OSBPL10: variants seen among roughly 807,000 people sequenced by gnomAD.
OSBPL10 encodes oxysterol binding protein like 10, also known as oxysterol-binding protein-related protein 10.
Under a neutral mutation model 81.7 loss-of-function variants are expected in OSBPL10, and 49 were observed. That is an observed-to-expected ratio of 0.60 (90% CI 0.48 to 0.76). The LOEUF (loss-of-function observed/expected upper bound fraction) is 0.76. Among genes scored for constraint, OSBPL10 ranks in the 30% least tolerant of loss-of-function variants. OSBPL10 has a pLI of 0.00. For synonymous variants in OSBPL10, 419 were observed against 383.6 expected (o/e 1.09, Z -1.08); for missense variants, 923 against 987.8 (o/e 0.93, Z 0.88).
chr3:31,831,157 A>G lies in OSBPL10; in HGVS notation c.538-926T>C, dbSNP rs377524999. On this transcript the variant is annotated intron_variant, in intron 3 of 11. Transcript: ENST00000396556. ...TGCGGTGGCTCACACCTGTAATCCCAGCACTTTGGGAGGCCAAGGCGGGCA... is the reference window on the plus strand; with the variant it reads ...TGCGGTGGCTCACACCTGTAATCCCGGCACTTTGGGAGGCCAAGGCGGGCA... Among the ~76,000 whole-genome samples, 103 of 152,338 alleles carry G rather than the reference A, an allele frequency of 6.8e-4. No homozygotes were observed. In the East Asian group the frequency reaches 0.011, roughly 17 times the overall value.
chr3:31,787,853 C>T (rs139271600), intron 4 of OSBPL10, among the ~76,000 whole-genome samples: 4 of 151,972 alleles, frequency 2.6e-5, no homozygotes, highest in African/African-American at 7.2e-5. Context: ...CATAAATACC[C>T]GACAACAGAA....
chr3:31,788,713 G>C (rs1477473122), intron 4 of OSBPL10, among the ~76,000 whole-genome samples: 1 of 152,010 alleles, frequency 6.6e-6, no homozygotes, highest in Non-Finnish European at 1.5e-5. Flanking sequence ...AGGAGTTCAA[G>C]GTTGCATTGA....
rs958688114 is a variant in OSBPL10, at chr3:31,766,244, C to T, written c.730-18124G>A. 2.2e-4 allele frequency among the ~76,000 whole-genome samples: 33 copies of T among 152,004 alleles called. 1 individual carries two copies. The highest frequency in any genetic ancestry group is 8.0e-4 in the African/African-American group (33 of 41,390). On this transcript the variant is annotated intron_variant, in intron 4 of 11. Transcript: ENST00000396556. ...TGGAAAACAGTGGCCATGTGACACA[C>T]CATGTGGACACAGATCCCCCACTTC... is the stretch of plus-strand genomic sequence containing the variant.
In OSBPL10 at chr3:31,736,498, G is replaced by A. The variant is rs1441418547; in HGVS notation, c.941-3087C>T. ...AACCAGCCCAGGATTCAAGACACTA[G>A]AATCTGCCATAAGAGAGGTGGACAG... On this transcript the variant is annotated intron_variant, in intron 5 of 11. Transcript: ENST00000396556. Among the ~76,000 whole-genome samples the A allele has an allele frequency of 2.6e-5, 4 of 152,162 alleles. 1 individual carries two copies. The highest frequency in any genetic ancestry group is 9.7e-5 in the African/African-American group (4 of 41,442).
chr3:31,831,606 AAG>A (rs1234052719), intron 3 of OSBPL10, among the ~76,000 whole-genome samples: 1 of 152,234 alleles, frequency 6.6e-6, no homozygotes, highest in Non-Finnish European at 1.5e-5. Context: ...CTTACAAAAA[AAG>A]AAATATAAAT....
chr3:31,719,810 G>A (rs1403140481), intron 6 of OSBPL10, among the ~76,000 whole-genome samples: 1 of 151,874 alleles, frequency 6.6e-6, no homozygotes, highest in Non-Finnish European at 1.5e-5. Context: ...CAACCTAAAT[G>A]CCACTCCTAG....
Position 31,930,003 on chromosome 3 carries a change from C to CAAACAA in OSBPL10, c.282-50174_282-50173insTTGTTT, listed in dbSNP as rs1306473764. ...GATCAAGTGAGACCCTGTCACCAAC[C>CAAACAA]AAAAAAAAAAAAAAAAAAAAAAACA... On this transcript the variant is annotated intron_variant, in intron 1 of 11. Transcript: ENST00000396556. Among the ~76,000 whole-genome samples, 553 of 72,538 alleles carry CAAACAA rather than the reference C, an allele frequency of 7.6e-3. 8 individuals carry two copies. Among genetic ancestry groups the CAAACAA allele is most frequent in the Non-Finnish European group, 0.011 (429 of 38,412 alleles). The allele number at this position is 72,538 out of a possible 152,430, so 47.6% of individuals were successfully genotyped here.
At chr3:31,814,210 T>C (rs139707257) in intron 4 of OSBPL10, among the ~76,000 whole-genome samples, 11 of 152,318 alleles carry the variant, frequency 7.2e-5, no homozygotes, top group African/African-American at 2.6e-4. Context: ...CCAGTTGCCT[T>C]CCATGCTGAA....
At chr3:31,959,127 G>A (rs1176221945) in intron 1 of OSBPL10, among the ~76,000 whole-genome samples, 1 of 152,096 alleles carries the variant, frequency 6.6e-6, no homozygotes, top group Admixed American at 6.5e-5. Context: ...CAAGGTCCAG[G>A]CAAGAACAAC....
At chr3:32,007,765 G>A (rs1699217975) in intron 2 of OSBPL10, among the ~76,000 whole-genome samples, 1 of 151,784 alleles carries the variant, frequency 6.6e-6, no homozygotes. Context: ...AGAGTGCAAT[G>A]GCACCATCTC....
chr3:31,878,812 T>C (rs199523453), intron 2 of OSBPL10, among the ~76,000 whole-genome samples: 4 of 93,432 alleles, frequency 4.3e-5, no homozygotes, highest in African/African-American at 8.6e-5. Context: ...ACTCTGCGTG[T>C]CCATGTGTGT....
chr3:31,701,950 T>TC, intron 7 of OSBPL10: 1 of 165,484 alleles, frequency 6.0e-6, no homozygotes, highest in South Asian at 1.8e-4. Context: ...TCATTCCTGG[T>TC]GCCACCATTT....
At chr3:32,025,152 G>A (rs1468712682) in intron 2 of OSBPL10, among the ~76,000 whole-genome samples, 3 of 152,164 alleles carry the variant, frequency 2.0e-5, no homozygotes, top group Non-Finnish European at 1.5e-5. Flanking sequence ...GCCTTTATCA[G>A]AATGAGGAAG....
In OSBPL10 at chr3:31,748,094, C is replaced by T; in HGVS notation, c.756G>A (p.Gln252=). ...REMMNQVEGQ[Q]KNLVHAIESL... Reference sequence around the variant, plus strand: ...ACTCAATGGCGTGCACAAGGTTCTTCTGCTGCCCTTCCACCTGGTTCATCA... The same window carrying T: ...ACTCAATGGCGTGCACAAGGTTCTTTTGCTGCCCTTCCACCTGGTTCATCA... Residue 252 remains glutamine, a synonymous_variant, in exon 5 of 12, where the codon CAG becomes CAA. Coordinates refer to ENST00000396556, the MANE Select transcript of OSBPL10 (RefSeq NM_017784.5). 2.5e-6 allele frequency: 4 copies of T among 1,613,854 alleles called. No individual in the cohort carries two copies. Among genetic ancestry groups the T allele is most frequent in the Non-Finnish European group, 3.4e-6 (4 of 1,179,880 alleles).
chr3:31,987,097 C>CAT (rs565461994), intron 2 of OSBPL10, among the ~76,000 whole-genome samples: 113 of 144,862 alleles, frequency 7.8e-4, no homozygotes, highest in African/African-American at 3.1e-3. Flanking sequence ...TATGTATGTC[C>CAT]ATATATATGT....
rs184768670 is a variant in OSBPL10 at position 31,671,216 on chromosome 3, T to G, written c.1727-233A>C. Among the ~76,000 whole-genome samples the G allele has an allele frequency of 2.6e-5, 4 of 152,196 alleles. No individual in the cohort carries two copies. In the East Asian group the frequency reaches 7.8e-4, roughly 29 times the overall value. On this transcript the variant is annotated intron_variant, in intron 8 of 11. Coordinates refer to ENST00000396556, the MANE Select transcript of OSBPL10 (RefSeq NM_017784.5). The stretch of plus-strand genomic sequence containing the variant: ...GCCCTCAGAAAGCAGAAGAGAAAGG[T>G]GGTCATTAGTCACCAAATGAACACA...
intron 1 of OSBPL10, among the ~76,000 whole-genome samples, chr3:32,069,271 G>GT (rs1403541228): frequency 6.6e-6 from 1 of 152,046 alleles, no homozygotes; most frequent in African/African-American, 2.4e-5. Context: ...ACGGGAAAGA[G>GT]TTTTTTTCTG....
At chr3:31,702,031 A>G (rs1444379696) in intron 7 of OSBPL10, among the ~76,000 whole-genome samples, 2 of 152,116 alleles carry the variant, frequency 1.3e-5, no homozygotes, top group Non-Finnish European at 2.9e-5. Context: ...AGTTATCTCT[A>G]GAACATAGCA....
At chr3:31,939,023 A>T (rs1697460973) in intron 1 of OSBPL10, among the ~76,000 whole-genome samples, 1 of 151,986 alleles carries the variant, frequency 6.6e-6, no homozygotes, top group African/African-American at 2.4e-5. Flanking sequence ...ATCAACATGC[A>T]TCCCAGCTCA....
Sources: allele counts gnomAD v4.1 joint callset (sites outside exome capture counted in the v4.1 genomes callset), GRCh38; gene constraint gnomAD v4.1.1; transcripts MANE v1.5; gene names NCBI Gene and HGNC (gene_info 2026-07-23, HGNC 2026-07-21).